MKNK2: variants seen among roughly 807,000 people sequenced by gnomAD.
MKNK2 encodes the protein MAPK interacting serine/threonine kinase 2.
In MKNK2, 54 loss-of-function variants were observed where a neutral mutation model predicts 55.0. The ratio of observed to expected loss-of-function variants is 0.98; its 90% CI spans 0.79 to 1.23. MKNK2 has a LOEUF of 1.23. Ranked by LOEUF, MKNK2 falls within the 50% of genes most tolerant of loss-of-function variation. The pLI is 0.00. For missense variants in MKNK2, 685 were observed against 632.1 expected, an observed-to-expected ratio of 1.08 and a Z score of -0.90; for synonymous variants, 323 against 256.0, an observed-to-expected ratio of 1.26 and a Z score of -2.50.
In MKNK2 at chr19:2,039,694, G is replaced by A; in HGVS notation, c.1317C>T (p.Pro439=). 3.1e-6 allele frequency: 5 copies of A among 1,613,088 alleles called. No individual in the cohort carries two copies. The highest frequency in any genetic ancestry group is 3.4e-6 in the Non-Finnish European group (4 of 1,179,956). ...GCCGCTGCGCCAGCTTGGACTGGGA[G>A]GGTGGAGACAGCTGCAGGCAGCGTG... The part of the protein sequence containing the change: ...ATSRCLQLSP[P]SQSKLAQRRQ... Residue 439 remains proline, a synonymous_variant, in exon 14 of 14, where the codon CCC becomes CCT. Transcript: ENST00000250896.
chr19:2,049,545 C>T (rs1366357868), intron 2 of MKNK2, among the ~76,000 whole-genome samples: 2 of 152,208 alleles, frequency 1.3e-5, no homozygotes, highest in African/African-American at 4.8e-5. Flanking sequence ...GTGGGCGGTC[C>T]TGGTCCCACT....
At chr19:2,050,557 C>T (rs2017092824) in intron 2 of MKNK2, among the ~76,000 whole-genome samples, 1 of 152,214 alleles carries the variant, frequency 6.6e-6, no homozygotes, top group Admixed American at 6.5e-5. Flanking sequence ...CTCCCAGCCT[C>T]ACTTGGGGGT....
chr19:2,042,041 G>A lies in MKNK2; in HGVS notation c.751-7C>T, dbSNP rs181130490. ...TGTACTCCGCCGAGCCGCACTGCGG[G>A]CGGGGGAGGGGCGCGTCAGCCGGGG... On this transcript the variant is annotated splice_polypyrimidine_tract_variant and splice_region_variant and intron_variant, in intron 10 of 13. Coordinates refer to ENST00000250896, the MANE Select transcript of MKNK2 (RefSeq NM_199054.3). 3,915 of 1,479,744 alleles carry A rather than the reference G, an allele frequency of 2.6e-3. 206 individuals carry two copies. The Admixed American group carries it at 0.089, about 34-fold the overall frequency. 91.7% of individuals were successfully genotyped at this position (1,479,744 alleles called of 1,614,324 possible).
rs72981428 is a variant in MKNK2, at chr19:2,041,318, G to T, written c.946-114C>A. ...GGCCCTAGACCAGGCCCTAGACCAC[G>T]CACGCCTGGGGCAGAGGGGGCTGGG... On this transcript the variant is annotated intron_variant, in intron 11 of 13. Transcript: ENST00000250896. The T allele has an allele frequency of 9.2e-4, 987 of 1,072,226 alleles. 3 individuals are homozygous for T. The Middle Eastern group carries it at 0.015, about 16-fold the overall frequency. The allele number at this position is 1,072,226 out of a possible 1,614,324, so 66.4% of individuals were successfully genotyped here.
rs1454093107 is a variant in MKNK2, at chr19:2,042,836, G to A, written c.528C>T (p.His176=). The change falls in exon 8 of 14, where the codon CAC becomes CAT. Residue 176 remains histidine, a synonymous_variant. Coordinates refer to ENST00000250896, the MANE Select transcript of MKNK2 (RefSeq NM_199054.3). The part of the protein sequence containing the change: ...SILSHIHKRR[H]FNELEASVVV... Reference sequence around the variant, plus strand: ...CCACGCTGGCCTCCAGCTCGTTGAAGTGCCGGCGCTTGTGGATGTGGCTCA... The same window carrying A: ...CCACGCTGGCCTCCAGCTCGTTGAAATGCCGGCGCTTGTGGATGTGGCTCA... The A allele has an allele frequency of 1.9e-6, 3 of 1,574,914 alleles. No individual in the cohort carries two copies. The highest frequency in any genetic ancestry group is 1.3e-5 in the African/African-American group (1 of 74,138).
At chr19:2,041,306 G>T in intron 11 of MKNK2, 102 bp from the exon 12 acceptor site, 2 of 1,280,250 alleles carry the variant, frequency 1.6e-6, no homozygotes, top group Non-Finnish European at 2.2e-6. Context: ...CCTAGACCAG[G>T]CCCTAGACCA....
At position 2,043,129 on chromosome 19, in the gene MKNK2, C is replaced by A; in HGVS notation, c.488G>T (p.Arg163Leu). 6.2e-7 allele frequency: 1 copy of A among 1,613,312 alleles called. No homozygotes were observed. The highest frequency in any genetic ancestry group is 8.5e-7 in the Non-Finnish European group (1 of 1,179,364). Residue 163 changes from arginine (R) to leucine (L), a missense_variant, in exon 7 of 14, where the codon CGG becomes CTG. Transcript: ENST00000250896. ...AGCCTGGAGCCCCCAGGTACCTCCC[C>A]GCATCTTCTCAAACACCAGGTAGAA... ...DRFYLVFEKMRGGSILSHIHK... is the reference protein window; with the variant it reads ...DRFYLVFEKMLGGSILSHIHK...
chr19:2,043,524 A>G lies in MKNK2; in HGVS notation c.398T>C (p.Leu133Pro). 2 of 1,614,070 alleles carry G rather than the reference A, an allele frequency of 1.2e-6. No individual in the cohort carries two copies. Among genetic ancestry groups the G allele is most frequent in the Non-Finnish European group, 1.7e-6 (2 of 1,179,982 alleles). The change falls in exon 6 of 14, where the codon CTG (leucine) becomes CCG (proline). Residue 133 changes from leucine (L) to proline (P), a missense_variant. By Grantham distance (98) the Leu-to-Pro change is moderately conservative (BLOSUM62 -3). Coordinates refer to ENST00000250896, the MANE Select transcript of MKNK2 (RefSeq NM_199054.3). ...RSRVFREVEM[L>P]YQCQGHRNVL... The stretch of plus-strand genomic sequence containing the variant: ...CTACCTGTGTCCCTGGCACTGGTAC[A>G]GCATCTCCACCTCCCTGAAAACCCT...
At position 2,043,428 on chromosome 19, in the gene MKNK2, G is replaced by C; in HGVS notation, c.419+75C>G. On this transcript the variant is annotated intron_variant, in intron 6 of 13. Coordinates refer to ENST00000250896, the MANE Select transcript of MKNK2 (RefSeq NM_199054.3). Reference sequence around the variant, plus strand: ...GGTGCCCTACAGACGCTTGCTGGGGGTGATGTGGCACTCAGGCCCTTCATC... The same window carrying C: ...GGTGCCCTACAGACGCTTGCTGGGGCTGATGTGGCACTCAGGCCCTTCATC... The C allele has an allele frequency of 4.3e-6, 6 of 1,379,436 alleles. No individual in the cohort carries two copies. In the South Asian group the frequency reaches 7.0e-5, roughly 16 times the overall value. The allele number at this position is 1,379,436 out of a possible 1,614,324, so 85.4% of individuals were successfully genotyped here.
In MKNK2 at chr19:2,038,306, T is replaced by C. The variant is rs1599376243; in HGVS notation, c.*1307A>G. On this transcript the variant is annotated 3_prime_UTR_variant, in exon 14 of 14. Coordinates refer to ENST00000250896, the MANE Select transcript of MKNK2 (RefSeq NM_199054.3). ...GGAGGAAGAATCCCGACCGCGGATT[T>C]AGAAGCCAGAGGGGCTGCCCCAGCT... 2 of 986,568 alleles carry C rather than the reference T, an allele frequency of 2.0e-6. No individual in the cohort carries two copies. The highest frequency in any genetic ancestry group is 1.7e-5 in the African/African-American group (1 of 57,240). The allele number at this position is 986,568 out of a possible 1,614,324, so 61.1% of individuals were successfully genotyped here. A position where few individuals can be genotyped will look rare whatever the true frequency, so the allele number is the denominator to read the frequency against.
Position 2,038,941 on chromosome 19 carries a change from C to G in MKNK2, c.*672G>C, listed in dbSNP as rs1411111529. 2 of 985,796 alleles carry G rather than the reference C, an allele frequency of 2.0e-6. No individual in the cohort carries two copies. The highest frequency in any genetic ancestry group is 2.4e-6 in the Non-Finnish European group (2 of 830,034). 61.1% of individuals were successfully genotyped at this position (985,796 alleles called of 1,614,324 possible). ...CTGGCCACCAGGAGTCCTGGACAGA[C>G]AGACGGGCCTTGCAGGAAGCCCCGA... On this transcript the variant is annotated 3_prime_UTR_variant, in exon 14 of 14. Transcript: ENST00000250896.
chr19:2,038,414 G>A lies in MKNK2; in HGVS notation c.*1199C>T. ...CTAAAGTGGAACCCTGTATTGCATA[G>A]AACGTCCCCACCCGCGGGGAGGGGG... On this transcript the variant is annotated 3_prime_UTR_variant, in exon 14 of 14. Transcript: ENST00000250896. 2 of 985,608 alleles carry A rather than the reference G, an allele frequency of 2.0e-6. No homozygotes were observed. The highest frequency in any genetic ancestry group is 2.4e-6 in the Non-Finnish European group (2 of 829,934). The allele number at this position is 985,608 out of a possible 1,614,324, so 61.1% of individuals were successfully genotyped here. A position where few individuals can be genotyped will look rare whatever the true frequency, so the allele number is the denominator to read the frequency against.
At chr19:2,048,394 CCCTTTACGAGGGGCCGGG>C (rs1234279936) in intron 2 of MKNK2, among the ~76,000 whole-genome samples, 1 of 152,190 alleles carries the variant, frequency 6.6e-6, no homozygotes, top group Non-Finnish European at 1.5e-5. Flanking sequence ...GGACTGCCGG[CCCTTTACGAGGGGCCGGG>C]CCTTTGAAGC....
intron 2 of MKNK2, 103 bp downstream of exon 2, chr19:2,050,698 C>T (rs1030992600): frequency 3.5e-6 from 4 of 1,145,344 alleles, no homozygotes; most frequent in Non-Finnish European, 2.5e-6. Flanking sequence ...GGGGGCCAGG[C>T]ACGAGCCCCG....
intron 5 of MKNK2, 29 bp downstream of exon 5, chr19:2,046,157 G>T: frequency 6.3e-7 from 1 of 1,599,242 alleles, no homozygotes; most frequent in Non-Finnish European, 8.5e-7. Context: ...CCAAGGCGCT[G>T]GGTTCCCCAG....
chr19:2,042,349 T>C (rs1177884453), intron 10 of MKNK2, 78 bp downstream of exon 10: 4 of 1,309,880 alleles, frequency 3.1e-6, no homozygotes, highest in South Asian at 2.5e-5. Flanking sequence ...CTGGAGCTGC[T>C]GGATGGCCCA....
intron 11 of MKNK2, 86 bp from the exon 12 acceptor site, chr19:2,041,290 C>T (rs1018609499): frequency 4.8e-6 from 7 of 1,462,894 alleles, no homozygotes; most frequent in Non-Finnish European, 6.5e-6. Context: ...CGGACCCCAA[C>T]CAGGCCCTAG....
At position 2,038,426 on chromosome 19, in the gene MKNK2, C is replaced by T. The variant is rs1412935355; in HGVS notation, c.*1187G>A. 3 of 985,194 alleles carry T rather than the reference C, an allele frequency of 3.0e-6. No individual in the cohort carries two copies. Among genetic ancestry groups the T allele is most frequent in the South Asian group, 4.7e-5 (1 of 21,272 alleles). 61.0% of individuals were successfully genotyped at this position (985,194 alleles called of 1,614,324 possible). ...CCTGTATTGCATAGAACGTCCCCAC[C>T]CGCGGGGAGGGGGCAGCAGGCTCCG... On this transcript the variant is annotated 3_prime_UTR_variant, in exon 14 of 14. Transcript: ENST00000250896.
intron 13 of MKNK2, 26 bp downstream of exon 13, chr19:2,040,108 G>T: frequency 6.3e-7 from 1 of 1,579,398 alleles, no homozygotes; most frequent in Non-Finnish European, 8.6e-7. Context: ...GGACTCAGGG[G>T]TCCCGAGCAC....
Sources: gnomAD v4.1 joint callset for allele counts (sites outside exome capture counted in the v4.1 genomes callset) on GRCh38, gnomAD v4.1.1 for gene constraint, MANE v1.5 for transcripts, NCBI Gene and HGNC (gene_info 2026-07-23, HGNC 2026-07-21) for gene names.